Variants in SUN2 observed in about 807,000 individuals in gnomAD.
The protein encoded by SUN2 is SUN domain-containing protein 2.
Under a neutral mutation model 100.0 loss-of-function variants are expected in SUN2, and 60 were observed. That is an observed-to-expected ratio of 0.60 (90% CI 0.49 to 0.74). The LOEUF is 0.74. Among genes scored for constraint, SUN2 ranks in the 30% least tolerant of loss-of-function variants. The pLI is 0.00. For missense variants in SUN2, 834 were observed against 954.6 expected, an observed-to-expected ratio of 0.87 and a Z score of 1.66; for synonymous variants, 367 against 403.3, an observed-to-expected ratio of 0.91 and a Z score of 1.08.
intron 8 of SUN2, chr22:38,744,937 C>T: frequency 2.4e-6 from 1 of 414,482 alleles, no homozygotes; most frequent in Middle Eastern, 3.7e-4. Flanking sequence ...AAATGGCCAC[C>T]ATCCCTCACT....
rs1269093852 is a variant in SUN2, at chr22:38,734,974, A to G, written c.*1293T>C. 7.0e-6 allele frequency: 2 copies of G among 283,712 alleles called. No individual in the cohort carries two copies. The highest frequency in any genetic ancestry group is 4.5e-5 in the African/African-American group (2 of 44,430). 17.6% of individuals were successfully genotyped at this position (283,712 alleles called of 1,614,324 possible). A position where few individuals can be genotyped will look rare whatever the true frequency, so the allele number is the denominator to read the frequency against. ...GCCCCTTCCCCGCAGCCAGACCACC[A>G]GACACAGCCGGAACCAGTGCCCCAG... On this transcript the variant is annotated 3_prime_UTR_variant, in exon 18 of 18. Transcript: ENST00000689035.
rs778008876 is a variant in SUN2, at chr22:38,742,573, G to A, written c.814-18C>T. 3.1e-6 allele frequency: 5 copies of A among 1,596,356 alleles called. No homozygotes were observed. The highest frequency in any genetic ancestry group is 4.3e-6 in the Non-Finnish European group (5 of 1,168,992). On this transcript the variant is annotated intron_variant, in intron 8 of 17. Transcript: ENST00000689035. Reference sequence around the variant, plus strand: ...TGCTCAGCCTGGAAGGGCAGAGAGAGAGCCACGGAGTGAGGGACCCTTGGA... The same window carrying A: ...TGCTCAGCCTGGAAGGGCAGAGAGAAAGCCACGGAGTGAGGGACCCTTGGA...
Position 38,738,372 on chromosome 22 carries a change from C to T in SUN2, c.1948-107G>A. 3 of 1,148,778 alleles carry T rather than the reference C, an allele frequency of 2.6e-6. No individual in the cohort carries two copies. The Admixed American group carries it at 6.5e-5, about 25-fold the overall frequency. 71.2% of individuals were successfully genotyped at this position (1,148,778 alleles called of 1,614,324 possible). On this transcript the variant is annotated intron_variant, in intron 16 of 17. Transcript: ENST00000689035. This position sits in a 1 kb window ranked among gnomAD's most constrained non-coding sequence, Gnocchi z 6.6. ...CCAGCAGGTCAGGCACCAGAGTGGCCTATGACAAGTCACTTCACTCTCTTG... is the reference window on the plus strand; with the variant it reads ...CCAGCAGGTCAGGCACCAGAGTGGCTTATGACAAGTCACTTCACTCTCTTG...
intron 1 of SUN2, among the ~76,000 whole-genome samples, chr22:38,753,917 G>T: frequency 6.6e-6 from 1 of 152,200 alleles, no homozygotes; most frequent in Non-Finnish European, 1.5e-5. Context: ...GATTCTAGTT[G>T]TGTGTCCTCA....
chr22:38,749,633 GT>G (rs1382825349), intron 6 of SUN2, 132 bp downstream of exon 6: 1 of 808,054 alleles, frequency 1.2e-6, no homozygotes, highest in Non-Finnish European at 1.9e-6. Flanking sequence ...AAGCTACTCC[GT>G]GATCGCTAAT....
Position 38,738,445 on chromosome 22 carries a change from C to A in SUN2, c.1947+142G>T. On this transcript the variant is annotated intron_variant, in intron 16 of 17. Coordinates refer to ENST00000689035, the MANE Select transcript of SUN2 (RefSeq NM_015374.3). The surrounding 1 kb of genome is among the most constrained non-coding windows in gnomAD (Gnocchi z 6.6). Reference sequence around the variant, plus strand: ...GCCTAAGGTAACAGGGACTGAAGTGCTGTCTCCCACCCTAGCTCCTCCTCT... The same window carrying A: ...GCCTAAGGTAACAGGGACTGAAGTGATGTCTCCCACCCTAGCTCCTCCTCT... The A allele has an allele frequency of 8.2e-7, 1 of 1,225,708 alleles. No homozygotes were observed. Among genetic ancestry groups the A allele is most frequent in the Non-Finnish European group, 1.2e-6 (1 of 867,916 alleles). 75.9% of individuals were successfully genotyped at this position (1,225,708 alleles called of 1,614,324 possible).
At position 38,748,702 on chromosome 22, in the gene SUN2, T is replaced by C. The variant is rs1254166110; in HGVS notation, c.685+11A>G. ...TCTGTGCCTCCCTCTGCTCTCCCCA[T>C]GCAGGCTCACCATACGTCAGGCACG... On this transcript the variant is annotated intron_variant, in intron 7 of 17. Coordinates refer to ENST00000689035, the MANE Select transcript of SUN2 (RefSeq NM_015374.3). 6.2e-7 allele frequency: 1 copy of C among 1,614,126 alleles called. No individual in the cohort carries two copies. Among genetic ancestry groups the C allele is most frequent in the South Asian group, 1.1e-5 (1 of 91,076 alleles).
intron 1 of SUN2, among the ~76,000 whole-genome samples, chr22:38,753,364 C>T (rs898416532): frequency 5.9e-5 from 9 of 151,650 alleles, no homozygotes; most frequent in East Asian, 1.9e-4. Context: ...TACAGGTGTG[C>T]GCCACCGGGA....
rs869037443 is a variant in SUN2 at position 38,753,210 on chromosome 22, C to CTTT, written c.-37-548_-37-546dup. Among the ~76,000 whole-genome samples the CTTT allele has an allele frequency of 8.5e-3, 737 of 86,240 alleles. 23 individuals are homozygous for CTTT. Among genetic ancestry groups the CTTT allele is most frequent in the African/African-American group, 0.018 (349 of 19,560 alleles). 56.6% of individuals were successfully genotyped at this position (86,240 alleles called of 152,430 possible). The stretch of plus-strand genomic sequence containing the variant: ...TTCCCATGTAGACCCCACCTATGTT[C>CTTT]TTTTTTTTTTTTTTTTTTTTTTTGA... On this transcript the variant is annotated intron_variant, in intron 1 of 17. Transcript: ENST00000689035.
At chr22:38,754,558 G>A (rs1255079126) in intron 1 of SUN2, 2 of 1,076,358 alleles carry the variant, frequency 1.9e-6, no homozygotes, top group Non-Finnish European at 2.5e-6. Context: ...AAAGCAGGAA[G>A]TTGGCCTGGG....
chr22:38,754,604 C>T (rs1232075694), intron 1 of SUN2: 4 of 437,636 alleles, frequency 9.1e-6, no homozygotes, highest in East Asian at 7.7e-5. Context: ...AAGGTAATCT[C>T]CCCTCCCCCC....
chr22:38,738,228 A>C lies in SUN2; in HGVS notation c.1985T>G (p.Leu662Arg). 6.2e-7 allele frequency: 1 copy of C among 1,613,994 alleles called. No homozygotes were observed. Among genetic ancestry groups the C allele is most frequent in the Non-Finnish European group, 8.5e-7 (1 of 1,179,994 alleles). ...GTCCTGATCGTAAGTGAACTTGCCAAGGAGTGTCCCCTCCTGCTGCAGGTC... is the reference window on the plus strand; with the variant it reads ...GTCCTGATCGTAAGTGAACTTGCCACGGAGTGTCCCCTCCTGCTGCAGGTC... ...DEDLQQEGTL[L>R]GKFTYDQDGE... Residue 662 changes from leucine to arginine, a missense_variant, in exon 17 of 18, where the codon CTT becomes CGT. Physicochemically the swap from Leu to Arg is moderately radical, Grantham distance 102. Coordinates refer to ENST00000689035, the MANE Select transcript of SUN2 (RefSeq NM_015374.3). The surrounding 1 kb of genome is among the most constrained non-coding windows in gnomAD (Gnocchi z 6.6).
intron 6 of SUN2, among the ~76,000 whole-genome samples, chr22:38,749,342 T>C (rs1281764941): frequency 3.3e-5 from 5 of 152,102 alleles, no homozygotes; most frequent in Admixed American, 1.3e-4. Flanking sequence ...GCTCTGACCA[T>C]GAGTGGGGAA....
chr22:38,740,325 C>T lies in SUN2; in HGVS notation c.1298G>A (p.Ser433Asn). ...QELAALALKQ[S>N]SVAEEVGLLP... ...CAGGCCCACTTCTTCCGCCACCGAG[C>T]TCTGCTTCAGTGCCAGAGCCGCCAG... The change falls in exon 12 of 18, where the codon AGC becomes AAC. Residue 433 changes from serine (S) to asparagine (N), a missense_variant. Ser to Asn is a conservative substitution (Grantham distance 46). Transcript: ENST00000689035. The surrounding 1 kb of genome is among the most constrained non-coding windows in gnomAD (Gnocchi z 4.8). The T allele has an allele frequency of 2.5e-6, 4 of 1,601,816 alleles. No homozygotes were observed. Among genetic ancestry groups the T allele is most frequent in the Non-Finnish European group, 3.4e-6 (4 of 1,175,036 alleles).
intron 4 of SUN2, 32 bp downstream of exon 4, chr22:38,750,866 G>C (rs1301983274): frequency 3.7e-6 from 6 of 1,612,194 alleles, no homozygotes; most frequent in Non-Finnish European, 5.1e-6. Flanking sequence ...AGCAGCCTCG[G>C]ATCTGCTCAG....
chr22:38,753,803 G>C (rs2092966012), intron 1 of SUN2, among the ~76,000 whole-genome samples: 1 of 152,214 alleles, frequency 6.6e-6, no homozygotes, highest in Non-Finnish European at 1.5e-5. Context: ...TCCCCAGCCT[G>C]TAAGTGCCAA....
rs745874505 is a variant in SUN2, at chr22:38,752,594, G to T, written c.35C>A (p.Ser12Tyr). 1 of 1,613,898 alleles carries T rather than the reference G, an allele frequency of 6.2e-7. No individual in the cohort carries two copies. Among genetic ancestry groups the T allele is most frequent in the Admixed American group, 1.7e-5 (1 of 60,002 alleles). ...GCTGCTGCCGTCATCGTCACCCTGG[G>T]AGTAGCGCGTGAGGCGCTGGCTTCT... ...SRRSQRLTRY[S>Y]QGDDDGSSSS... is the part of the protein sequence containing the mutation. Residue 12 changes from serine (S) to tyrosine (Y), a missense_variant, in exon 2 of 18, where the codon TCC (serine) becomes TAC (tyrosine). Around this residue, in one of 3 missense-constraint regions of SUN2, gnomAD observed 559 missense variants for 597.7 expected, o/e 0.94. Transcript: ENST00000689035.
In SUN2 at chr22:38,734,736, T is replaced by A. The variant is rs1317010080; in HGVS notation, c.*1531A>T. On this transcript the variant is annotated 3_prime_UTR_variant, in exon 18 of 18. Coordinates refer to ENST00000689035, the MANE Select transcript of SUN2 (RefSeq NM_015374.3). ...ACATGAAAGCCACATCCCACAGCTC[T>A]TGGGCGTCATTTATTTTTTGCATAG... 4 of 173,802 alleles carry A rather than the reference T, an allele frequency of 2.3e-5. No individual in the cohort carries two copies. The highest frequency in any genetic ancestry group is 2.2e-4 in the South Asian group (2 of 9,272). 10.8% of individuals were successfully genotyped at this position (173,802 alleles called of 1,614,324 possible). A position where few individuals can be genotyped will look rare whatever the true frequency, so the allele number is the denominator to read the frequency against.
intron 2 of SUN2, among the ~76,000 whole-genome samples, chr22:38,751,604 G>C (rs1477821155): frequency 6.6e-6 from 1 of 152,250 alleles, no homozygotes; most frequent in Non-Finnish European, 1.5e-5. Context: ...GCTAGGGATG[G>C]AGCCACATTC....
Sources: gnomAD v4.1 joint callset for allele counts (sites outside exome capture counted in the v4.1 genomes callset) on GRCh38, gnomAD v4.1.1 for gene constraint, gnomAD v4.1.1 regional missense constraint, Gnocchi (gnomAD v3.1) non-coding constraint, MANE v1.5 for transcripts, NCBI Gene and HGNC (gene_info 2026-07-23, HGNC 2026-07-21) for gene names.